STPG1: variants seen among roughly 807,000 people sequenced by gnomAD.
STPG1 encodes sperm tail PG-rich repeat containing 1.
In STPG1, 33 loss-of-function variants were observed where a neutral mutation model predicts 40.1. The ratio of observed to expected loss-of-function variants is 0.82; its 90% CI spans 0.62 to 1.10. The LOEUF (loss-of-function observed/expected upper bound fraction) is 1.10, where lower values mean the gene tolerates loss of function less well. Ranked by LOEUF, STPG1 falls within the 50% of genes least tolerant of loss-of-function variation. The pLI, the probability that STPG1 is intolerant of heterozygous loss-of-function variation, is 0.00. For synonymous variants in STPG1, 150 were observed against 155.0 expected (o/e 0.97, Z 0.24); for missense variants, 396 against 415.1 (o/e 0.95, Z 0.40).
chr1:24,361,981 A>T (rs1169566100), intron 7 of STPG1, among the ~76,000 whole-genome samples: 1 of 152,126 alleles, frequency 6.6e-6, no homozygotes, highest in East Asian at 1.9e-4. Flanking sequence ...TACTCTCCCA[A>T]CCATGTAATA....
chr1:24,372,044 G>T (rs1036843269), intron 6 of STPG1, among the ~76,000 whole-genome samples: 1 of 152,136 alleles, frequency 6.6e-6, no homozygotes, highest in Non-Finnish European at 1.5e-5. Context: ...CGGGCGTGGC[G>T]GCGCATGCCT....
At position 24,369,673 on chromosome 1, in the gene STPG1, C is replaced by A; in HGVS notation, c.737+1G>T. ...GAAAGACCAGAATGATTGGGACTCA[C>A]GGGAAAAGAGTCTTTTTTGGAACTT... On this transcript the variant is annotated splice_donor_variant, in intron 7 of 8. Transcript: ENST00000337248. LOFTEE classifies it high-confidence loss of function. The A allele has an allele frequency of 1.9e-6, 3 of 1,587,770 alleles. No individual in the cohort carries two copies. The East Asian group carries it at 6.8e-5, about 36-fold the overall frequency.
At position 24,387,063 on chromosome 1, in the gene STPG1, G is replaced by A. The variant is rs573216098; in HGVS notation, c.190-3060C>T. Among the ~76,000 whole-genome samples the A allele has an allele frequency of 2.0e-5, 3 of 152,248 alleles. No individual in the cohort carries two copies. The South Asian group carries it at 6.2e-4, about 32-fold the overall frequency. ...CCTGCTACTGCCTCCATGGAGCCAG[G>A]ACCCTCCCTTGGGAGTCACAAACCT... On this transcript the variant is annotated intron_variant, in intron 3 of 8. Transcript: ENST00000337248.
rs776715763 is a variant in STPG1 at position 24,357,347 on chromosome 1, C to G, written c.*1196G>C. The G allele has an allele frequency of 2.0e-5, 3 of 152,304 alleles. No homozygotes were observed. Among genetic ancestry groups the G allele is most frequent in the Non-Finnish European group, 4.4e-5 (3 of 68,084 alleles). The allele number at this position is 152,304 out of a possible 1,614,324, so 9.4% of individuals were successfully genotyped here. A position where few individuals can be genotyped will look rare whatever the true frequency, so the allele number is the denominator to read the frequency against. On this transcript the variant is annotated 3_prime_UTR_variant, in exon 9 of 9. Transcript: ENST00000337248. ...GTGTACAAAGTTCCCACCTCCTGAA[C>G]TTCCCACCCAGCTCCCCTCCCAGAG...
At position 24,363,389 on chromosome 1, in the gene STPG1, A is replaced by G. The variant is rs139633859; in HGVS notation, c.738-2348T>C. Among the ~76,000 whole-genome samples the G allele has an allele frequency of 2.5e-3, 380 of 152,292 alleles. 1 individual carries two copies. Among genetic ancestry groups the G allele is most frequent in the African/African-American group, 8.6e-3 (358 of 41,556 alleles). ...GGAATCCAGGCAGTTCTGTACTAAGACACGGACTTGAGTGTCCTTAAGGGC... is the reference window on the plus strand; with the variant it reads ...GGAATCCAGGCAGTTCTGTACTAAGGCACGGACTTGAGTGTCCTTAAGGGC... On this transcript the variant is annotated intron_variant, in intron 7 of 8. Transcript: ENST00000337248.
At chr1:24,374,717 C>T (rs1028431099) in intron 5 of STPG1, among the ~76,000 whole-genome samples, 5 of 152,092 alleles carry the variant, frequency 3.3e-5, no homozygotes, top group Admixed American at 6.5e-5. Flanking sequence ...CTCTGCCTCC[C>T]GGGCTTAAGC....
chr1:24,377,054 T>C (rs1445670625), intron 5 of STPG1, among the ~76,000 whole-genome samples: 1 of 150,620 alleles, frequency 6.6e-6, no homozygotes, highest in Non-Finnish European at 1.5e-5. Context: ...AGGTCAGGAG[T>C]TTGAGACAAG....
intron 1 of STPG1, among the ~76,000 whole-genome samples, chr1:24,405,681 T>C (rs1643387759): frequency 6.6e-6 from 1 of 152,194 alleles, no homozygotes; most frequent in African/African-American, 2.4e-5. Context: ...TCAATTGTTG[T>C]TGTGTATTTT....
At chr1:24,412,743 C>T (rs1643758197) in intron 1 of STPG1, among the ~76,000 whole-genome samples, 1 of 152,104 alleles carries the variant, frequency 6.6e-6, no homozygotes, top group Non-Finnish European at 1.5e-5. Context: ...GTATTTTCTT[C>T]ATAAATATTG....
intron 6 of STPG1, among the ~76,000 whole-genome samples, 160 bp downstream of exon 6, chr1:24,373,542 G>A (rs1641851262): frequency 6.6e-6 from 1 of 152,174 alleles, no homozygotes; most frequent in Non-Finnish European, 1.5e-5. Flanking sequence ...ATTGCTGGCT[G>A]TCTTCTCACC....
intron 1 of STPG1, among the ~76,000 whole-genome samples, chr1:24,408,200 A>G (rs1180192430): frequency 6.6e-6 from 1 of 152,228 alleles, no homozygotes; most frequent in African/African-American, 2.4e-5. Flanking sequence ...TTCTGGGAAT[A>G]ATTTATCCCC....
intron 7 of STPG1, among the ~76,000 whole-genome samples, chr1:24,361,274 T>C (rs1172667419): frequency 6.6e-6 from 1 of 152,152 alleles, no homozygotes; most frequent in Non-Finnish European, 1.5e-5. Flanking sequence ...GTTGTCAGGA[T>C]AAATGAGATG....
intron 1 of STPG1, chr1:24,411,829 C>T (rs1643678789): frequency 6.6e-6 from 1 of 152,174 alleles, no homozygotes; most frequent in Non-Finnish European, 1.5e-5. Context: ...ATATTTGACT[C>T]TCTTGAATAT....
In STPG1 at chr1:24,379,769, T is replaced by C. The variant is rs368278367; in HGVS notation, c.346A>G (p.Ile116Val). 24 of 1,614,078 alleles carry C rather than the reference T, an allele frequency of 1.5e-5. No homozygotes were observed. The African/African-American group carries it at 2.7e-4, about 18-fold the overall frequency. The stretch of plus-strand genomic sequence containing the variant: ...CTCTTGGAAATAAAATCCGATGGGA[T>C]AGTGTATGCATTCGCTGCAGGGTAT... ...SKYPAANAYT[I>V]PSDFISKRDF... The change falls in exon 5 of 9, where the codon ATC (isoleucine) becomes GTC (valine). Residue 116 changes from isoleucine to valine, a missense_variant. By Grantham distance (29) the Ile-to-Val change is conservative. Coordinates refer to ENST00000337248, the MANE Select transcript of STPG1 (RefSeq NM_001199013.2).
rs528200575 is a variant in STPG1 at position 24,413,462 on chromosome 1, G to A, written c.-69+212C>T. On this transcript the variant is annotated intron_variant, in intron 1 of 8. Transcript: ENST00000337248. ...AAGCCCCAGTTGTCACCACTTTTCG[G>A]GTGGAAACACCGAGGACACGCCCCG... 6.0e-4 allele frequency among the ~76,000 whole-genome samples: 91 copies of A among 152,378 alleles called. 1 individual carries two copies. Among genetic ancestry groups the A allele is most frequent in the Middle Eastern group, 6.8e-3 (2 of 294 alleles).
intron 1 of STPG1, among the ~76,000 whole-genome samples, chr1:24,405,388 A>C (rs1368703680): frequency 6.6e-6 from 1 of 151,924 alleles, no homozygotes; most frequent in Non-Finnish European, 1.5e-5. Context: ...TTTATTTTTC[A>C]TTGTAATTTC....
At chr1:24,413,275 G>A (rs113552958) in intron 1 of STPG1, among the ~76,000 whole-genome samples, 3 of 152,226 alleles carry the variant, frequency 2.0e-5, no homozygotes, top group African/African-American at 7.2e-5. Flanking sequence ...GTCGTTTGCT[G>A]GGGGACACCC....
At position 24,407,474 on chromosome 1, in the gene STPG1, C is replaced by T. The variant is rs888814070; in HGVS notation, c.-68-6018G>A. Among the ~76,000 whole-genome samples, 6 of 146,722 alleles carry T rather than the reference C, an allele frequency of 4.1e-5. No homozygotes were observed. The East Asian group carries it at 6.0e-4, about 15-fold the overall frequency. On this transcript the variant is annotated intron_variant, in intron 1 of 8. Transcript: ENST00000337248. ...TTTTTTTTTTTTTGACGGAGTCCCG[C>T]TCTGTCACCCAGGCTGGATTGCAGT...
chr1:24,404,515 C>T (rs1160802755), intron 1 of STPG1, among the ~76,000 whole-genome samples: 1 of 152,100 alleles, frequency 6.6e-6, no homozygotes, highest in Non-Finnish European at 1.5e-5. Flanking sequence ...TTAGTTCTTC[C>T]TTAAATTTAC....
Sources: gnomAD v4.1 joint callset for allele counts (sites outside exome capture counted in the v4.1 genomes callset) on GRCh38, gnomAD v4.1.1 for gene constraint, MANE v1.5 for transcripts, NCBI Gene and HGNC (gene_info 2026-07-23, HGNC 2026-07-21) for gene names.